NXPH1: variants seen among roughly 807,000 people sequenced by gnomAD.
The protein encoded by NXPH1 is neurexophilin 1.
Under a neutral mutation model 23.7 loss-of-function variants are expected in NXPH1, and 5 were observed. The observed-to-expected ratio is 0.21, with a 90% confidence interval of 0.11 to 0.44. The LOEUF is 0.44. Among genes scored for constraint, NXPH1 ranks in the 20% least tolerant of loss-of-function variants. The pLI, the probability that NXPH1 is intolerant of heterozygous loss-of-function variation, is 0.99. For missense variants in NXPH1, 324 were observed against 321.6 expected, an observed-to-expected ratio of 1.01 and a Z score of -0.06; for synonymous variants, 144 against 122.2, an observed-to-expected ratio of 1.18 and a Z score of -1.18.
chr7:8,437,595 C>G (rs1563309981), intron 2 of NXPH1, among the ~76,000 whole-genome samples: 1 of 152,190 alleles, frequency 6.6e-6, no homozygotes, highest in Admixed American at 6.5e-5. Flanking sequence ...GGAAAATAAT[C>G]TATCAAAAGC....
chr7:8,563,503 A>G (rs910675666), intron 2 of NXPH1, among the ~76,000 whole-genome samples: 8 of 151,794 alleles, frequency 5.3e-5, no homozygotes, highest in African/African-American at 1.9e-4. Flanking sequence ...TACCATTTTT[A>G]TTGATGACAT....
chr7:8,670,652 A>G (rs1392246682), intron 2 of NXPH1, among the ~76,000 whole-genome samples: 1 of 152,230 alleles, frequency 6.6e-6, no homozygotes, highest in Non-Finnish European at 1.5e-5. Context: ...GCTGCCCAAT[A>G]TCGTCATTTA....
At chr7:8,474,742 C>A (rs1816940201) in intron 2 of NXPH1, among the ~76,000 whole-genome samples, 1 of 152,154 alleles carries the variant, frequency 6.6e-6, no homozygotes, top group Admixed American at 6.5e-5. Context: ...TAGTTCACTT[C>A]ATCGAGGTCT....
intron 2 of NXPH1, among the ~76,000 whole-genome samples, chr7:8,702,666 T>C (rs960839286): frequency 6.6e-6 from 1 of 152,170 alleles, no homozygotes; most frequent in Non-Finnish European, 1.5e-5. Context: ...CTTATAATTA[T>C]ATAGTTCTTT....
chr7:8,653,099 C>T (rs114431748), intron 2 of NXPH1, among the ~76,000 whole-genome samples: 1 of 151,394 alleles, frequency 6.6e-6, no homozygotes, highest in African/African-American at 2.4e-5. Flanking sequence ...CTTTCTGGAG[C>T]GTTTTTCACA....
intron 2 of NXPH1, among the ~76,000 whole-genome samples, chr7:8,653,045 TTG>T (rs1820515532): frequency 6.6e-6 from 1 of 152,164 alleles, no homozygotes; most frequent in African/African-American, 2.4e-5. Flanking sequence ...AAAATTCATT[TTG>T]TCTCTTTTTA....
chr7:8,702,342 A>G (rs1779637449), intron 2 of NXPH1, among the ~76,000 whole-genome samples: 1 of 152,130 alleles, frequency 6.6e-6, no homozygotes, highest in Non-Finnish European at 1.5e-5. Flanking sequence ...TGTAAATAAT[A>G]AAATAAAACT....
At chr7:8,505,383 A>G (rs975528990) in intron 2 of NXPH1, among the ~76,000 whole-genome samples, 13 of 151,968 alleles carry the variant, frequency 8.6e-5, no homozygotes, top group African/African-American at 3.1e-4. Flanking sequence ...ATATTGCTCT[A>G]TAATTTGCCC....
At chr7:8,683,173 G>A (rs1226597224) in intron 2 of NXPH1, among the ~76,000 whole-genome samples, 1 of 152,156 alleles carries the variant, frequency 6.6e-6, no homozygotes, top group South Asian at 2.1e-4. Context: ...CACATGGTGA[G>A]AGATTAAACA....
chr7:8,511,638 C>G (rs568734108), intron 2 of NXPH1, among the ~76,000 whole-genome samples: 20 of 152,246 alleles, frequency 1.3e-4, no homozygotes, highest in African/African-American at 4.8e-4. Flanking sequence ...TTCCACCTCT[C>G]TTCCAACCCC....
intron 2 of NXPH1, among the ~76,000 whole-genome samples, chr7:8,669,717 T>A (rs1700333439): frequency 6.6e-6 from 1 of 152,168 alleles, no homozygotes; most frequent in African/African-American, 2.4e-5. Context: ...TCCACTGCTT[T>A]CTTCCCTCCC....
intron 2 of NXPH1, among the ~76,000 whole-genome samples, chr7:8,668,119 T>C (rs938328168): frequency 6.6e-6 from 1 of 152,106 alleles, no homozygotes; most frequent in African/African-American, 2.4e-5. Flanking sequence ...TTATTGTTTC[T>C]CTGTATTTTC....
intron 2 of NXPH1, among the ~76,000 whole-genome samples, chr7:8,606,129 C>T (rs931593606): frequency 2.6e-5 from 4 of 152,006 alleles, no homozygotes; most frequent in African/African-American, 7.2e-5. Context: ...GACAAGTTGA[C>T]CTTTTCAGGT....
chr7:8,527,886 G>C (rs1817890244), intron 2 of NXPH1, among the ~76,000 whole-genome samples: 1 of 152,226 alleles, frequency 6.6e-6, no homozygotes, highest in Non-Finnish European at 1.5e-5. Flanking sequence ...TGTGGAAATT[G>C]ATCAGATAGA....
At chr7:8,571,009 C>T (rs967994684) in intron 2 of NXPH1, among the ~76,000 whole-genome samples, 2 of 146,430 alleles carry the variant, frequency 1.4e-5, no homozygotes, top group Non-Finnish European at 1.5e-5. Flanking sequence ...GTCTGTCTAT[C>T]TGTCTGTCTA....
At chr7:8,715,921 G>A (rs930065062) in intron 2 of NXPH1, among the ~76,000 whole-genome samples, 2 of 151,898 alleles carry the variant, frequency 1.3e-5, no homozygotes, top group African/African-American at 4.8e-5. Flanking sequence ...GTTTGTGTGT[G>A]TATATTTACA....
chr7:8,516,556 G>A (rs1047194059), intron 2 of NXPH1, among the ~76,000 whole-genome samples: 1 of 152,016 alleles, frequency 6.6e-6, no homozygotes, highest in African/African-American at 2.4e-5. Flanking sequence ...ATCCTGCTGG[G>A]GTTTCCATTA....
intron 2 of NXPH1, among the ~76,000 whole-genome samples, chr7:8,745,012 TAAAAAG>T (rs1780443665): frequency 6.6e-6 from 1 of 152,180 alleles, no homozygotes; most frequent in African/African-American, 2.4e-5. Flanking sequence ...ATGACCTACT[TAAAAAG>T]AAAACAAAAT....
intron 2 of NXPH1, among the ~76,000 whole-genome samples, chr7:8,646,397 A>C (rs1429216587): frequency 6.6e-6 from 1 of 152,166 alleles, no homozygotes. Context: ...TTATCTGTCC[A>C]CAATTTGTAC....
Sources: gnomAD v4.1 joint callset for allele counts (sites outside exome capture counted in the v4.1 genomes callset) on GRCh38, gnomAD v4.1.1 for gene constraint, MANE v1.5 for transcripts, NCBI Gene and HGNC (gene_info 2026-07-23, HGNC 2026-07-21) for gene names.